The following ASB4 variants were observed in gnomAD, a reference collection of about 807,000 sequenced individuals.
The protein encoded by ASB4 is ankyrin repeat and SOCS box containing 4, also known as ankyrin repeat and SOCS box protein 4.
Under a neutral mutation model 38.6 loss-of-function variants are expected in ASB4, and 35 were observed. That is an observed-to-expected ratio of 0.91 (90% CI 0.69 to 1.20). The LOEUF (loss-of-function observed/expected upper bound fraction) is 1.20, where lower values mean the gene tolerates loss of function less well. ASB4 is among the 50% of genes most tolerant of loss of function. The probability of loss-of-function intolerance (pLI) is 0.00; values close to 1 mark genes in which losing one functional copy is unlikely to be tolerated. For synonymous variants in ASB4, 195 were observed against 201.3 expected, an observed-to-expected ratio of 0.97 and a Z score of 0.26; for missense variants, 557 against 527.2, an observed-to-expected ratio of 1.06 and a Z score of -0.55.
In ASB4 at chr7:95,480,827, G is replaced by T. The variant is rs146658609; in HGVS notation, n.157+2227G>T. ...AAGCCAATACATTTTGAGGTTATTT[G>T]CTATGCAGCAAAAGATAACTAATAC... On this transcript the variant is annotated intron_variant and non_coding_transcript_variant, in intron 1 of 1. Coordinates refer to the ASB4 transcript ENST00000257621. 5.9e-5 allele frequency among the ~76,000 whole-genome samples: 9 copies of T among 152,238 alleles called. 2 individuals carry two copies. Among genetic ancestry groups the T allele is most frequent in the African/African-American group, 2.2e-4 (9 of 41,544 alleles).
At chr7:95,543,661 A>C (rs1790998422), downstream of ASB4, 1 of 152,220 alleles carries the variant, frequency 6.6e-6, no homozygotes, top group Non-Finnish European at 1.5e-5. Context: ...TATCCCTGAC[A>C]AAGGGTGAGA....
chr7:95,510,242 T>C (rs1267177799), intron 2 of ASB4, among the ~76,000 whole-genome samples: 1 of 152,196 alleles, frequency 6.6e-6, no homozygotes, highest in Non-Finnish European at 1.5e-5. Flanking sequence ...TTTATCCCCA[T>C]TCTGTCGTTT....
chr7:95,514,536 T>C (rs187737713), intron 2 of ASB4, among the ~76,000 whole-genome samples: 6 of 152,334 alleles, frequency 3.9e-5, no homozygotes, highest in Non-Finnish European at 5.9e-5. Flanking sequence ...AGAGGTTGAC[T>C]GACATGTTCA....
At chr7:95,483,578 T>C (rs1367299428), upstream of ASB4, among the ~76,000 whole-genome samples, 1 of 152,212 alleles carries the variant, frequency 6.6e-6, no homozygotes, top group African/African-American at 2.4e-5. Flanking sequence ...ATCAAATGAT[T>C]AGATATAAAC....
rs552028206 is a variant in ASB4, at chr7:95,518,852, GAGATAAAAGGAA to G, written c.488-8960_488-8949del. ...GGTTTTGCAGGGTGACTTCAGGACA[GAGATAAAAGGAA>G]GACTTGAGCCAGACACCTGTGCCTT... is the stretch of plus-strand genomic sequence containing the variant. On this transcript the variant is annotated intron_variant, in intron 2 of 4. Transcript: ENST00000325885. 3.5e-4 allele frequency among the ~76,000 whole-genome samples: 53 copies of G among 152,320 alleles called. No homozygotes were observed. The East Asian group carries it at 9.9e-3, about 28-fold the overall frequency.
intron 2 of ASB4, among the ~76,000 whole-genome samples, chr7:95,513,719 C>T (rs950844121): frequency 1.1e-4 from 17 of 152,128 alleles, no homozygotes; most frequent in African/African-American, 3.1e-4. Context: ...GACTTCTGAC[C>T]TGCATAACTG....
At chr7:95,544,305 T>C (rs1433476149), downstream of ASB4, 1 of 152,242 alleles carries the variant, frequency 6.6e-6, no homozygotes, top group Non-Finnish European at 1.5e-5. Flanking sequence ...AATTATTCAC[T>C]GAAGCACTGA....
chr7:95,528,554 A>G (rs1790777828), intron 3 of ASB4: 1 of 1,417,680 alleles, frequency 7.1e-7, no homozygotes, highest in East Asian at 2.5e-5. Flanking sequence ...CCTTGTGTGA[A>G]CACCAGTGCA....
At chr7:95,531,818 C>A in intron 3 of ASB4, among the ~76,000 whole-genome samples, 1 of 152,190 alleles carries the variant, frequency 6.6e-6, no homozygotes, top group East Asian at 1.9e-4. Context: ...AGCATCTCCC[C>A]TGCTGGCTTT....
chr7:95,492,578 T>C (rs976998553), intron 1 of ASB4, among the ~76,000 whole-genome samples: 1 of 152,212 alleles, frequency 6.6e-6, no homozygotes, highest in East Asian at 1.9e-4. Context: ...TAATCTTCCC[T>C]CCAGCGCTAA....
In ASB4 at chr7:95,516,002, C is replaced by CCATT. The variant is rs1252548974; in HGVS notation, c.488-11808_488-11805dup. Among the ~76,000 whole-genome samples, 16 of 152,310 alleles carry CCATT rather than the reference C, an allele frequency of 1.1e-4. No individual in the cohort carries two copies. In the South Asian group the frequency reaches 3.3e-3, roughly 32 times the overall value. On this transcript the variant is annotated intron_variant, in intron 2 of 4. Coordinates refer to ENST00000325885, the MANE Select transcript of ASB4 (RefSeq NM_016116.3). ...CCAGTCCTGCCTCCATGAGCCAGGG[C>CCATT]CATTCACCTCTACCCCTAGGGCTGG...
intron 3 of ASB4, 111 bp from the exon 4 acceptor site, chr7:95,536,326 A>AG (rs1006004062): frequency 1.6e-6 from 1 of 630,788 alleles, no homozygotes. Flanking sequence ...CTGGGATTAC[A>AG]GGCACATGCT....
upstream of ASB4, among the ~76,000 whole-genome samples, chr7:95,485,313 G>T (rs1790073263): frequency 6.6e-6 from 1 of 152,048 alleles, no homozygotes; most frequent in Non-Finnish European, 1.5e-5. Flanking sequence ...TTCACATGTT[G>T]CATTTAAATG....
intron 2 of ASB4, among the ~76,000 whole-genome samples, chr7:95,500,522 A>G (rs4729192): frequency 0.23 from 30,544 of 133,504 alleles, 3,767 homozygotes; most frequent in East Asian, 0.4. Flanking sequence ...GTGAGCTATT[A>G]TTGGACCACT....
chr7:95,507,838 C>T (rs564608795), intron 2 of ASB4, among the ~76,000 whole-genome samples: 48 of 152,172 alleles, frequency 3.2e-4, no homozygotes, highest in African/African-American at 6.7e-4. Flanking sequence ...TTAAATACTA[C>T]GGAGAGATCC....
At chr7:95,507,250 GA>G (rs893575736) in intron 2 of ASB4, among the ~76,000 whole-genome samples, 1 of 151,388 alleles carries the variant, frequency 6.6e-6, no homozygotes, top group African/African-American at 2.4e-5. Context: ...CAGATTCTCC[GA>G]AAAAAAATCT....
At chr7:95,499,649 C>T (rs1468914175) in intron 2 of ASB4, among the ~76,000 whole-genome samples, 1 of 152,106 alleles carries the variant, frequency 6.6e-6, no homozygotes, top group Non-Finnish European at 1.5e-5. Context: ...AGAAGTGAGG[C>T]TGCAGAAGTG....
intron 2 of ASB4, among the ~76,000 whole-genome samples, chr7:95,514,180 C>A: frequency 6.6e-6 from 1 of 152,154 alleles, no homozygotes; most frequent in East Asian, 1.9e-4. Context: ...ACAGGTCTCT[C>A]ACCCTCTCTT....
At position 95,536,451 on chromosome 7, in the gene ASB4, C is replaced by T. The variant is rs775951581; in HGVS notation, c.993C>T (p.Cys331=). Residue 331 remains cysteine, a synonymous_variant, in exon 4 of 5, where the codon TGC becomes TGT. Transcript: ENST00000325885. The stretch of plus-strand genomic sequence containing the variant: ...TTCCTCTGCAGGTGATACAGGCCTG[C>T]CATTCTTGTCCTAAAGCAATTGAAG... ...PPQFHKVIQA[C]HSCPKAIEVV... The T allele has an allele frequency of 1.2e-6, 2 of 1,611,302 alleles. No homozygotes were observed. The highest frequency in any genetic ancestry group is 1.7e-6 in the Non-Finnish European group (2 of 1,177,752).
Sources: allele counts gnomAD v4.1 joint callset (sites outside exome capture counted in the v4.1 genomes callset), GRCh38; gene constraint gnomAD v4.1.1; transcripts MANE v1.5; gene names NCBI Gene and HGNC (gene_info 2026-07-23, HGNC 2026-07-21).